The following MAGI3 variants were observed in gnomAD, a reference collection of about 807,000 sequenced individuals.
The protein encoded by MAGI3 is membrane-associated guanylate kinase, WW and PDZ domain-containing protein 3.
MAGI3 carries 43 observed loss-of-function variants against 121.8 expected under a neutral mutation model. The ratio of observed to expected loss-of-function variants is 0.35; its 90% CI spans 0.28 to 0.46. The LOEUF (loss-of-function observed/expected upper bound fraction) is 0.46. MAGI3 is among the 20% of genes least tolerant of loss of function. The pLI, the probability that MAGI3 is intolerant of heterozygous loss-of-function variation, is 1.00. For missense variants in MAGI3, 1,547 were observed against 1,797.3 expected, an observed-to-expected ratio of 0.86 and a Z score of 2.52; for synonymous variants, 553 against 639.3, an observed-to-expected ratio of 0.86 and a Z score of 2.04.
At chr1:113,641,765 G>A (rs1317536195) in intron 9 of MAGI3, 146 bp from the exon 10 acceptor site, 4 of 623,356 alleles carry the variant, frequency 6.4e-6, no homozygotes, top group Non-Finnish European at 5.3e-6. Flanking sequence ...GAGAAGGTCT[G>A]TGTTAGAAAT....
chr1:113,434,818 A>G (rs1159925849), intron 1 of MAGI3, among the ~76,000 whole-genome samples: 2 of 152,244 alleles, frequency 1.3e-5, no homozygotes, highest in Admixed American at 6.5e-5. Context: ...TCTTGCATTC[A>G]TGAAACTTAC....
At chr1:113,528,294 CTT>C (rs60603067) in intron 1 of MAGI3, among the ~76,000 whole-genome samples, 67 of 138,098 alleles carry the variant, frequency 4.9e-4, no homozygotes, top group East Asian at 1.3e-3. Context: ...CTCCCCCAAC[CTT>C]TTTTTTTTTT....
chr1:113,524,980 A>C (rs921621806), intron 1 of MAGI3, among the ~76,000 whole-genome samples: 1 of 152,122 alleles, frequency 6.6e-6, no homozygotes, highest in African/African-American at 2.4e-5. Context: ...ATAGTGAGTA[A>C]GTCTTATGAG....
intron 7 of MAGI3, among the ~76,000 whole-genome samples, chr1:113,619,404 T>A (rs935987391): frequency 4.4e-4 from 67 of 152,304 alleles, no homozygotes; most frequent in Middle Eastern, 3.4e-3. Flanking sequence ...CTGCCTTTTT[T>A]AAAAAAATTA....
chr1:113,401,582 T>G (rs1159413526), intron 1 of MAGI3, among the ~76,000 whole-genome samples: 1 of 152,196 alleles, frequency 6.6e-6, no homozygotes, highest in Non-Finnish European at 1.5e-5. Flanking sequence ...TTAGGATAAA[T>G]ATACTTGGGA....
At chr1:113,431,168 AT>A (rs1653280673) in intron 1 of MAGI3, among the ~76,000 whole-genome samples, 1 of 152,124 alleles carries the variant, frequency 6.6e-6, no homozygotes, top group African/African-American at 2.4e-5. Context: ...ATAAAAAAGC[AT>A]TAACCTGGCA....
chr1:113,568,129 A>G (rs1300459434), intron 2 of MAGI3, among the ~76,000 whole-genome samples: 1 of 152,064 alleles, frequency 6.6e-6, no homozygotes, highest in Non-Finnish European at 1.5e-5. Flanking sequence ...GGCCCAAGGA[A>G]ACTTTGGGGG....
chr1:113,473,359 G>A (rs547990103), intron 1 of MAGI3, among the ~76,000 whole-genome samples: 93 of 152,062 alleles, frequency 6.1e-4, no homozygotes, highest in African/African-American at 2.2e-3. Flanking sequence ...TTGCTGCACC[G>A]ATCAACTAAC....
In MAGI3 at chr1:113,684,094, T is replaced by G; in HGVS notation, c.*80T>G. ...TTTCCAGAAAAAGCCTTTTTTTTTT[T>G]TTCAGATATTCTGAAACAGATAAGT... On this transcript the variant is annotated 3_prime_UTR_variant, in exon 21 of 21. Transcript: ENST00000307546. 7.1e-7 allele frequency: 1 copy of G among 1,403,860 alleles called. No individual in the cohort carries two copies. Among genetic ancestry groups the G allele is most frequent in the Non-Finnish European group, 9.4e-7 (1 of 1,062,658 alleles). The allele number at this position is 1,403,860 out of a possible 1,614,324, so 87.0% of individuals were successfully genotyped here. A position where few individuals can be genotyped will look rare whatever the true frequency, so the allele number is the denominator to read the frequency against.
At position 113,671,799 on chromosome 1, in the gene MAGI3, A is replaced by G; in HGVS notation, c.2881A>G (p.Met961Val). ...RQSPALQHRP[M>V]GQSQANHIPG... ...AAGCCCAGCCCTGCAGCACAGGCCC[A>G]TGGGACAGTCACAGGCCAACCACAT... Residue 961 changes from methionine (M) to valine (V), a missense_variant, in exon 17 of 21, where the codon ATG (methionine) becomes GTG (valine). Met to Val is a conservative substitution (Grantham distance 21). Transcript: ENST00000307546. 1 of 1,614,240 alleles carries G rather than the reference A, an allele frequency of 6.2e-7. No individual in the cohort carries two copies. Among genetic ancestry groups the G allele is most frequent in the Non-Finnish European group, 8.5e-7 (1 of 1,180,028 alleles).
At chr1:113,653,026 CATCTT>C (rs1653260160) in intron 14 of MAGI3, among the ~76,000 whole-genome samples, 1 of 152,138 alleles carries the variant, frequency 6.6e-6, no homozygotes, top group Non-Finnish European at 1.5e-5. Flanking sequence ...ATGATGAACT[CATCTT>C]ATATCATCAC....
In MAGI3 at chr1:113,456,104, C is replaced by T. The variant is rs866707729; in HGVS notation, c.316+64755C>T. ...TAGCTGGGACTACAGGCGCCCGCCA[C>T]CACGCCCGGCTAATTTTTTTTTTTT... On this transcript the variant is annotated intron_variant, in intron 1 of 20. Transcript: ENST00000307546. Among the ~76,000 whole-genome samples the T allele has an allele frequency of 1.0e-3, 150 of 150,128 alleles. No homozygotes were observed. In the Middle Eastern group the frequency reaches 0.024, roughly 24 times the overall value.
At chr1:113,669,504 T>C (rs1647395349) in intron 16 of MAGI3, among the ~76,000 whole-genome samples, 1 of 152,214 alleles carries the variant, frequency 6.6e-6, no homozygotes. Flanking sequence ...AAGTATCTTA[T>C]GAGCAAGAAA....
intron 1 of MAGI3, among the ~76,000 whole-genome samples, chr1:113,426,265 ATCTATGAT>A (rs1474659948): frequency 1.3e-5 from 2 of 152,174 alleles, no homozygotes; most frequent in African/African-American, 4.8e-5. Flanking sequence ...AGAGAACACA[ATCTATGAT>A]TTCAATTTTA....
intron 1 of MAGI3, among the ~76,000 whole-genome samples, chr1:113,485,491 C>CT (rs1656340722): frequency 6.6e-6 from 1 of 151,810 alleles, no homozygotes; most frequent in African/African-American, 2.4e-5. Context: ...CCTTAGCCCA[C>CT]TTTTTTTTGA....
chr1:113,633,293 G>A (rs1384772254), intron 9 of MAGI3, among the ~76,000 whole-genome samples: 15 of 95,618 alleles, frequency 1.6e-4, no homozygotes, highest in Admixed American at 5.1e-4. Flanking sequence ...ACGGAGTCTC[G>A]CTCTGTCGCC....
chr1:113,416,176 T>C (rs1652334296), intron 1 of MAGI3, among the ~76,000 whole-genome samples: 1 of 105,090 alleles, frequency 9.5e-6, no homozygotes, highest in Non-Finnish European at 2.1e-5. Context: ...ATGTAATTAA[T>C]GACACATATT....
intron 19 of MAGI3, among the ~76,000 whole-genome samples, chr1:113,680,903 C>T (rs2101039216): frequency 6.6e-6 from 1 of 152,140 alleles, no homozygotes; most frequent in South Asian, 2.1e-4. Flanking sequence ...TTAGAAAATT[C>T]CAAATCTGAT....
intron 1 of MAGI3, chr1:113,450,866 T>C: frequency 1.6e-6 from 1 of 635,010 alleles, no homozygotes; most frequent in Non-Finnish European, 2.8e-6. Context: ...GAAGGAACGA[T>C]GATCCATAGT....
Sources: gnomAD v4.1 joint callset for allele counts (sites outside exome capture counted in the v4.1 genomes callset) on GRCh38, gnomAD v4.1.1 for gene constraint, MANE v1.5 for transcripts, NCBI Gene and HGNC (gene_info 2026-07-23, HGNC 2026-07-21) for gene names.